RIMS2: variants seen among roughly 807,000 people sequenced by gnomAD.
The protein encoded by RIMS2 is regulating synaptic membrane exocytosis 2, also known as regulating synaptic membrane exocytosis protein 2.
Under a neutral mutation model 174.4 loss-of-function variants are expected in RIMS2, and 59 were observed. The observed-to-expected ratio is 0.34, with a 90% CI of 0.27 to 0.42. The LOEUF is 0.42. Among genes scored for constraint, RIMS2 ranks in the 10% least tolerant of loss-of-function variants. The probability of loss-of-function intolerance (pLI) is 1.00; values close to 1 mark genes in which losing one functional copy is unlikely to be tolerated. For synonymous variants in RIMS2, 606 were observed against 572.5 expected (o/e 1.06, Z -0.84); for missense variants, 1,620 against 1,666.3 (o/e 0.97, Z 0.48).
In RIMS2 at chr8:103,608,982, G is replaced by A. The variant is rs185139887; in HGVS notation, c.177-88104G>A. ...TTGCTCACGCTGGGAGCTGTAGACC[G>A]GAGCTGTTCCTATTCGGCCATCTTG... On this transcript the variant is annotated intron_variant, in intron 1 of 23. Transcript: ENST00000504942. 6.6e-4 allele frequency among the ~76,000 whole-genome samples: 100 copies of A among 152,302 alleles called. 1 individual carries two copies. Among genetic ancestry groups the A allele is most frequent in the African/African-American group, 2.2e-3 (90 of 41,570 alleles).
chr8:103,994,672 G>C (rs988710533), intron 17 of RIMS2, among the ~76,000 whole-genome samples: 1 of 152,002 alleles, frequency 6.6e-6, no homozygotes, highest in Non-Finnish European at 1.5e-5. Context: ...ATTTTAGAGG[G>C]CTTACTAAAA....
At chr8:103,753,022 A>C (rs920957074) in intron 2 of RIMS2, among the ~76,000 whole-genome samples, 1 of 151,986 alleles carries the variant, frequency 6.6e-6, no homozygotes, top group Non-Finnish European at 1.5e-5. Context: ...CAGTTTTCAA[A>C]GGGAATGCTT....
chr8:103,861,473 T>G (rs2099058723), intron 3 of RIMS2, among the ~76,000 whole-genome samples: 1 of 152,124 alleles, frequency 6.6e-6, no homozygotes, highest in Admixed American at 6.5e-5. Context: ...ATATAATGAT[T>G]TATTTTCGTC....
At chr8:103,787,372 G>A (rs1471463438) in intron 3 of RIMS2, among the ~76,000 whole-genome samples, 1 of 151,508 alleles carries the variant, frequency 6.6e-6, no homozygotes, top group Non-Finnish European at 1.5e-5. Flanking sequence ...AGTCTCGATG[G>A]TCTTTACATT....
At chr8:103,804,670 C>T (rs551986232) in intron 3 of RIMS2, among the ~76,000 whole-genome samples, 6 of 152,200 alleles carry the variant, frequency 3.9e-5, no homozygotes, top group Non-Finnish European at 8.8e-5. Flanking sequence ...CAGAGTTTTT[C>T]TAAATCATCC....
intron 1 of RIMS2, among the ~76,000 whole-genome samples, chr8:103,565,684 G>A (rs1031620272): frequency 2.0e-5 from 3 of 152,136 alleles, no homozygotes; most frequent in Non-Finnish European, 4.4e-5. Flanking sequence ...TACTGAAGGT[G>A]AAGGCCAAGA....
intron 3 of RIMS2, among the ~76,000 whole-genome samples, chr8:103,779,400 T>C (rs2154432254): frequency 6.6e-6 from 1 of 152,310 alleles, no homozygotes; most frequent in Middle Eastern, 3.4e-3. Context: ...AAGTTTTTAA[T>C]CCATCTTGAT....
intron 3 of RIMS2, among the ~76,000 whole-genome samples, chr8:103,770,018 G>A (rs547418864): frequency 1.3e-5 from 2 of 152,178 alleles, no homozygotes; most frequent in Admixed American, 6.5e-5. Flanking sequence ...ACTTTAAAGA[G>A]TATTTCTTTT....
At chr8:104,115,607 T>G (rs1245211492) in intron 19 of RIMS2, among the ~76,000 whole-genome samples, 1 of 152,126 alleles carries the variant, frequency 6.6e-6, no homozygotes, top group African/African-American at 2.4e-5. Context: ...CACAGAATTT[T>G]CTCCAGACCA....
chr8:103,742,116 T>A (rs1371025264), intron 2 of RIMS2, among the ~76,000 whole-genome samples: 1 of 152,086 alleles, frequency 6.6e-6, no homozygotes, highest in Non-Finnish European at 1.5e-5. Context: ...TCTTTATGAA[T>A]ATGAATGCTT....
At chr8:103,889,820 CT>C (rs1336889254) in intron 4 of RIMS2, among the ~76,000 whole-genome samples, 1 of 151,766 alleles carries the variant, frequency 6.6e-6, no homozygotes, top group Non-Finnish European at 1.5e-5. Flanking sequence ...TCAGTATGTT[CT>C]GTTAAATGAT....
chr8:104,251,509 A>G, intron 23 of RIMS2, 93 bp from the exon 30 acceptor site: 1 of 742,038 alleles, frequency 1.3e-6, no homozygotes. Context: ...TCAGAAAATT[A>G]ACTGAATGTA....
rs145128704 is a variant in RIMS2, at chr8:104,154,325, G to T, written c.3335-90591G>T. ...ATAGCACTGTTAAATAGAACTTTTGGCAGTGATGGCAATCTCCTACATCTG... is the reference window on the plus strand; with the variant it reads ...ATAGCACTGTTAAATAGAACTTTTGTCAGTGATGGCAATCTCCTACATCTG... On this transcript the variant is annotated intron_variant, in intron 19 of 23. Transcript: ENST00000504942. Among the ~76,000 whole-genome samples the T allele has an allele frequency of 4.5e-4, 69 of 152,222 alleles. 1 individual carries two copies. Among genetic ancestry groups the T allele is most frequent in the African/African-American group, 1.6e-3 (65 of 41,532 alleles).
At chr8:104,117,756 T>C (rs2098302432) in intron 19 of RIMS2, among the ~76,000 whole-genome samples, 1 of 152,236 alleles carries the variant, frequency 6.6e-6, no homozygotes, top group African/African-American at 2.4e-5. Flanking sequence ...AAAGAAACCC[T>C]AATATCTTAA....
intron 2 of RIMS2, among the ~76,000 whole-genome samples, chr8:103,730,879 T>C (rs552228023): frequency 6.6e-6 from 1 of 152,290 alleles, no homozygotes; most frequent in East Asian, 1.9e-4. Flanking sequence ...TGCTGATAAA[T>C]GCATATCCGA....
chr8:103,921,512 C>G (rs1276066095), intron 9 of RIMS2, among the ~76,000 whole-genome samples, 160 bp from the exon 13 acceptor site: 4 of 152,170 alleles, frequency 2.6e-5, no homozygotes, highest in Middle Eastern at 3.4e-3. Context: ...CCAAAAAAAC[C>G]CTTTAAGAAT....
rs778148852 is a variant in RIMS2 at position 103,895,115 on chromosome 8, A to G, written c.1624+8892A>G. The stretch of plus-strand genomic sequence containing the variant: ...CTTTTTAAGCAATACAATTTATTAT[A>G]GGAAATAAAATTATGTGTACTTACT... On this transcript the variant is annotated intron_variant, in intron 4 of 23. Coordinates refer to ENST00000504942, the Ensembl canonical transcript of RIMS2. Among the ~76,000 whole-genome samples the G allele has an allele frequency of 2.6e-5, 4 of 151,052 alleles. 1 individual carries two copies. The highest frequency in any genetic ancestry group is 4.9e-5 in the African/African-American group (2 of 40,882).
chr8:103,560,531 A>T (rs1278044204), intron 1 of RIMS2, among the ~76,000 whole-genome samples: 2 of 152,208 alleles, frequency 1.3e-5, no homozygotes, highest in African/African-American at 4.8e-5. Context: ...AAATTCTTGA[A>T]TGTTGCTGAA....
chr8:104,045,731 T>C (rs1311943708), intron 19 of RIMS2, among the ~76,000 whole-genome samples: 1 of 151,882 alleles, frequency 6.6e-6, no homozygotes, highest in African/African-American at 2.4e-5. Context: ...TATTAAATTA[T>C]TATTACAGTT....
Sources: allele counts gnomAD v4.1 joint callset (sites outside exome capture counted in the v4.1 genomes callset), GRCh38; gene constraint gnomAD v4.1.1; transcripts MANE v1.5; gene names NCBI Gene and HGNC (gene_info 2026-07-23, HGNC 2026-07-21).